ALK: variants seen among roughly 807,000 people sequenced by gnomAD.
ALK encodes the protein ALK tyrosine kinase receptor.
In ALK, 74 loss-of-function variants were observed where a neutral mutation model predicts 163.1. That is an observed-to-expected ratio of 0.45 (90% CI 0.38 to 0.55). The LOEUF is 0.55. ALK is among the 20% of genes least tolerant of loss of function. ALK has a pLI of 0.00. For synonymous variants in ALK, 960 were observed against 843.2 expected, an observed-to-expected ratio of 1.14 and a Z score of -2.40; for missense variants, 2,063 against 2,105.3, an observed-to-expected ratio of 0.98 and a Z score of 0.39.
intron 6 of ALK, among the ~76,000 whole-genome samples, chr2:29,323,957 T>C (rs750696482): frequency 1.4e-4 from 21 of 152,220 alleles, no homozygotes; most frequent in Non-Finnish European, 3.1e-4. Context: ...AGCTGTAGCC[T>C]CATCACCTAT....
At chr2:29,848,783 G>C (rs113660546) in intron 1 of ALK, among the ~76,000 whole-genome samples, 1,921 of 152,286 alleles carry the variant, frequency 0.013, 18 homozygotes, top group Middle Eastern at 0.031. Flanking sequence ...GTTGGCAGAA[G>C]CTGACTTAGG....
intron 1 of ALK, among the ~76,000 whole-genome samples, chr2:29,838,217 A>G (rs4341892): frequency 0.033 from 5,091 of 152,244 alleles, 167 homozygotes; most frequent in African/African-American, 0.084. Context: ...AGCCACAGTG[A>G]TCTATGGAAA....
intron 4 of ALK, among the ~76,000 whole-genome samples, chr2:29,505,088 G>T (rs191947454): frequency 1.3e-5 from 2 of 152,276 alleles, no homozygotes; most frequent in East Asian, 3.9e-4. Context: ...TTATTATCTG[G>T]GAGGCATTAG....
At chr2:29,383,647 A>G in intron 5 of ALK, 85 bp downstream of exon 5, 1 of 1,587,442 alleles carries the variant, frequency 6.3e-7, no homozygotes, top group Non-Finnish European at 8.6e-7. Flanking sequence ...AAGTGTGCAC[A>G]TTCCCAGCCA....
At chr2:29,360,221 T>C (rs1668355714) in intron 5 of ALK, among the ~76,000 whole-genome samples, 1 of 152,234 alleles carries the variant, frequency 6.6e-6, no homozygotes, top group South Asian at 2.1e-4. Context: ...ATTCATGGCT[T>C]TTCTGGCACA....
intron 3 of ALK, among the ~76,000 whole-genome samples, chr2:29,605,095 C>A (rs529767897): frequency 1.3e-5 from 2 of 152,298 alleles, no homozygotes; most frequent in South Asian, 2.1e-4. Flanking sequence ...AGTCAGTAGT[C>A]CCCTACCTTT....
chr2:29,307,557 G>A (rs186767111), intron 8 of ALK, among the ~76,000 whole-genome samples: 57 of 152,326 alleles, frequency 3.7e-4, no homozygotes, highest in African/African-American at 1.3e-3. Context: ...GGGTGCCAGA[G>A]GGTTGTAATT....
intron 3 of ALK, among the ~76,000 whole-genome samples, chr2:29,544,233 T>C (rs1175442356): frequency 6.6e-6 from 1 of 152,084 alleles, no homozygotes; most frequent in African/African-American, 2.4e-5. Flanking sequence ...TGGGGAATAA[T>C]GCTGTGCCAA....
intron 5 of ALK, among the ~76,000 whole-genome samples, chr2:29,366,698 C>T (rs956836643): frequency 2.6e-5 from 4 of 152,104 alleles, no homozygotes; most frequent in East Asian, 1.9e-4. Context: ...ATACAGAAGC[C>T]TTCCCATGTT....
At chr2:29,316,198 A>G (rs931806469) in intron 8 of ALK, among the ~76,000 whole-genome samples, 4 of 152,174 alleles carry the variant, frequency 2.6e-5, no homozygotes, top group African/African-American at 9.7e-5. Flanking sequence ...TATTTTGGTT[A>G]TTTATTTTCC....
intron 8 of ALK, among the ~76,000 whole-genome samples, chr2:29,312,962 C>G (rs933783158): frequency 6.6e-6 from 1 of 152,168 alleles, no homozygotes; most frequent in Non-Finnish European, 1.5e-5. Flanking sequence ...AATACCTGAC[C>G]AAAGGGACTT....
chr2:29,217,313 G>A (rs1280241900), intron 23 of ALK, among the ~76,000 whole-genome samples: 4 of 148,222 alleles, frequency 2.7e-5, no homozygotes, highest in Non-Finnish European at 6.0e-5. Context: ...GTGTATATAT[G>A]CATGTGGTGT....
intron 3 of ALK, among the ~76,000 whole-genome samples, chr2:29,551,103 T>C (rs1673702842): frequency 6.6e-6 from 1 of 152,156 alleles, no homozygotes; most frequent in South Asian, 2.1e-4. Context: ...ATATGTACAG[T>C]TTAAAAACCT....
chr2:29,620,241 T>G (rs932806209), intron 3 of ALK, among the ~76,000 whole-genome samples: 4 of 152,208 alleles, frequency 2.6e-5, no homozygotes, highest in Non-Finnish European at 5.9e-5. Flanking sequence ...AGGTGGTGGT[T>G]CCTTCAGAGG....
chr2:29,459,927 T>A (rs778986126), intron 4 of ALK, among the ~76,000 whole-genome samples: 7 of 152,208 alleles, frequency 4.6e-5, no homozygotes, highest in African/African-American at 1.2e-4. Context: ...AGTATTATAA[T>A]GATTAAAATC....
Position 29,380,835 on chromosome 2 carries a change from C to G in ALK, c.1282+2897G>C, listed in dbSNP as rs149149579. On this transcript the variant is annotated intron_variant, in intron 5 of 28. Transcript: ENST00000389048. ...TCCATGATCCAATTACCCACCAGCC[C>G]CCTCCTCCAACACTGAGGATTATAA... is the stretch of plus-strand genomic sequence containing the variant. Among the ~76,000 whole-genome samples the G allele has an allele frequency of 3.3e-3, 506 of 152,254 alleles. 6 individuals carry two copies. Among genetic ancestry groups the G allele is most frequent in the African/African-American group, 0.011 (464 of 41,538 alleles).
intron 3 of ALK, among the ~76,000 whole-genome samples, chr2:29,646,696 G>T (rs548027415): frequency 6.6e-6 from 1 of 152,106 alleles, no homozygotes; most frequent in Non-Finnish European, 1.5e-5. Context: ...CCTCTGCCTG[G>T]TCGGCCCTCG....
At chr2:29,198,657 C>T (rs1048440554) in intron 26 of ALK, among the ~76,000 whole-genome samples, 8 of 152,144 alleles carry the variant, frequency 5.3e-5, no homozygotes, top group Non-Finnish European at 8.8e-5. Flanking sequence ...CATGTAAAAG[C>T]GTGGTAGACA....
At chr2:29,839,828 T>C (rs561627126) in intron 1 of ALK, among the ~76,000 whole-genome samples, 1 of 152,284 alleles carries the variant, frequency 6.6e-6, no homozygotes, top group East Asian at 1.9e-4. Flanking sequence ...TGACTTGGTG[T>C]TGTGTCGCTC....
Sources: gnomAD v4.1 joint callset for allele counts (sites outside exome capture counted in the v4.1 genomes callset) on GRCh38, gnomAD v4.1.1 for gene constraint, MANE v1.5 for transcripts, NCBI Gene and HGNC (gene_info 2026-07-23, HGNC 2026-07-21) for gene names.